Variants in C4orf50 observed in about 807,000 individuals in gnomAD.
C4orf50 encodes the protein uncharacterized protein C4orf50.
C4orf50 carries 80 observed loss-of-function variants against 77.2 expected under a neutral mutation model. The observed-to-expected ratio is 1.04, with a 90% CI of 0.87 to 1.25. The LOEUF is 1.25. Among genes scored for constraint, C4orf50 ranks in the 50% most tolerant of loss-of-function variants. C4orf50 has a pLI of 0.00. For missense variants in C4orf50, 1,257 were observed against 1,152.9 expected (o/e 1.09, Z -1.31); for synonymous variants, 532 against 465.3 (o/e 1.14, Z -1.84).
At chr4:5,940,555 C>G (rs1043500407) in intron 7 of C4orf50, among the ~76,000 whole-genome samples, 2 of 152,182 alleles carry the variant, frequency 1.3e-5, no homozygotes, top group Non-Finnish European at 2.9e-5. Flanking sequence ...GGTAAGTAAT[C>G]AGGGCCTCAA....
chr4:6,013,924 A>G (rs748700232), intron 23 of C4orf50, among the ~76,000 whole-genome samples: 13 of 152,108 alleles, frequency 8.5e-5, no homozygotes, highest in Non-Finnish European at 1.9e-4. Flanking sequence ...CGAATATGAC[A>G]TAGACAGTGA....
exon 28 of C4orf50, chr4:5,989,618 C>T (rs1447112494): frequency 4.6e-6 from 7 of 1,536,036 alleles, no homozygotes; most frequent in East Asian, 4.9e-5. Context: ...CAAGCCTCCA[C>T]GTCCTGTGCA....
chr4:5,990,758 C>A lies in C4orf50; in HGVS notation c.1288G>T (p.Glu430Ter). Residue 430 changes from glutamate to a stop codon, truncating the protein, a stop_gained, in exon 28 of 34, where the codon GAG becomes TAG. Coordinates refer to ENST00000531445, the Ensembl canonical transcript of C4orf50. LOFTEE classifies it high-confidence loss of function. ...CGGAGGAGTGACTCGTCCAAGCACTCCTCTGGTGGGCAGCCACAGACCAGG... is the reference window on the plus strand; with the variant it reads ...CGGAGGAGTGACTCGTCCAAGCACTACTCTGGTGGGCAGCCACAGACCAGG... 4 of 399,154 alleles carry A rather than the reference C, an allele frequency of 1.0e-5. No homozygotes were observed. Among genetic ancestry groups the A allele is most frequent in the Non-Finnish European group, 8.8e-6 (2 of 226,146 alleles). 24.7% of individuals were successfully genotyped at this position (399,154 alleles called of 1,614,324 possible).
intron 25 of C4orf50, among the ~76,000 whole-genome samples, chr4:5,995,857 GA>G (rs1285688021): frequency 6.6e-6 from 1 of 152,166 alleles, no homozygotes; most frequent in Non-Finnish European, 1.5e-5. Flanking sequence ...TAGGCCAGGA[GA>G]AAACAGAAGT....
chr4:5,903,356 G>A (rs1303238542), intron 7 of C4orf50: 1 of 152,170 alleles, frequency 6.6e-6, no homozygotes, highest in Non-Finnish European at 1.5e-5. Flanking sequence ...TGTGTTCATA[G>A]GAGCAATACT....
chr4:5,914,671 G>A (rs1281966641), intron 7 of C4orf50, among the ~76,000 whole-genome samples: 1 of 152,158 alleles, frequency 6.6e-6, no homozygotes, highest in African/African-American at 2.4e-5. Context: ...AGAAATGTGT[G>A]CGATGGTGCT....
chr4:6,008,354 A>ACCTGCTCCCGCAGGACGCGCT lies in C4orf50; in HGVS notation c.584_604dup (p.Glu195_Gln201dup), dbSNP rs1317530648. On this transcript the variant is annotated inframe_insertion, in exon 25 of 34. Coordinates refer to ENST00000531445, the Ensembl canonical transcript of C4orf50. This position sits in a 1 kb window ranked among gnomAD's most constrained non-coding sequence, Gnocchi z 6.0. ...CCGCACGTTGCGCTCCAGCCGCTGC[A>ACCTGCTCCCGCAGGACGCGCT]CCTGCTCCCGCAGGACGCGCTCCTG... The ACCTGCTCCCGCAGGACGCGCT allele has an allele frequency of 2.6e-6, 1 of 391,160 alleles. No homozygotes were observed. The highest frequency in any genetic ancestry group is 2.1e-5 in the African/African-American group (1 of 48,276). 24.2% of individuals were successfully genotyped at this position (391,160 alleles called of 1,614,324 possible).
chr4:5,942,944 A>AT (rs1718325501), intron 7 of C4orf50, among the ~76,000 whole-genome samples: 1 of 152,142 alleles, frequency 6.6e-6, no homozygotes, highest in African/African-American at 2.4e-5. Flanking sequence ...TTGTCACTTT[A>AT]TTTTTTTAAT....
At chr4:5,907,932 A>G (rs555787858) in intron 7 of C4orf50, among the ~76,000 whole-genome samples, 2 of 152,342 alleles carry the variant, frequency 1.3e-5, no homozygotes, top group African/African-American at 4.8e-5. Context: ...AGTACTCTGC[A>G]TGGAGTCAAT....
At chr4:6,002,852 T>C (rs953029775) in intron 25 of C4orf50, among the ~76,000 whole-genome samples, 1 of 152,234 alleles carries the variant, frequency 6.6e-6, no homozygotes, top group African/African-American at 2.4e-5. Flanking sequence ...CTTGGTTGTG[T>C]GACCCTGGAC....
At chr4:5,962,897 C>T (rs552193619) in intron 33 of C4orf50, among the ~76,000 whole-genome samples, 23 of 152,182 alleles carry the variant, frequency 1.5e-4, no homozygotes, top group Non-Finnish European at 3.2e-4. Flanking sequence ...TATGCTCCAG[C>T]GATGTTGCTT....
intron 7 of C4orf50, chr4:5,902,523 G>T (rs2152479841): frequency 6.6e-6 from 1 of 152,352 alleles, no homozygotes; most frequent in African/African-American, 2.4e-5. Context: ...GACCTTACTT[G>T]TTAAGAAGTA....
At chr4:6,014,534 T>A (rs892438669) in intron 23 of C4orf50, among the ~76,000 whole-genome samples, 29 of 152,236 alleles carry the variant, frequency 1.9e-4, no homozygotes, top group Non-Finnish European at 3.5e-4. Context: ...CTTCAACTCT[T>A]TAATTAATGT....
At position 6,004,300 on chromosome 4, in the gene C4orf50, GATGGTGGTGATGATGTGATCGTA is replaced by G. The variant is rs1437945455; in HGVS notation, c.963+3673_963+3695del. Among the ~76,000 whole-genome samples, 296 of 78,002 alleles carry G rather than the reference GATGGTGGTGATGATGTGATCGTA, an allele frequency of 3.8e-3. 4 individuals are homozygous for G. Among genetic ancestry groups the G allele is most frequent in the East Asian group, 7.3e-3 (7 of 954 alleles). The allele number at this position is 78,002 out of a possible 152,430, so 51.2% of individuals were successfully genotyped here. A position where few individuals can be genotyped will look rare whatever the true frequency, so the allele number is the denominator to read the frequency against. On this transcript the variant is annotated intron_variant, in intron 25 of 33. Coordinates refer to ENST00000531445, the Ensembl canonical transcript of C4orf50. Reference sequence around the variant, plus strand: ...TGATGGTGATGTTGGTGATGATGGTGATGGTGGTGATGATGTGATCGTAATGGTGATGATGGTGATGGTGATGA... The same window carrying G: ...TGATGGTGATGTTGGTGATGATGGTGATGGTGATGATGGTGATGGTGATGA...
At chr4:6,002,195 GAC>G (rs1316036550) in intron 25 of C4orf50, among the ~76,000 whole-genome samples, 1 of 152,192 alleles carries the variant, frequency 6.6e-6, no homozygotes, top group Non-Finnish European at 1.5e-5. Context: ...CACAGAAACA[GAC>G]ACACAGAGGA....
chr4:6,008,499 A>T lies in C4orf50; in HGVS notation c.460T>A (p.Trp154Arg). Residue 154 changes from tryptophan to arginine, a missense_variant, in exon 25 of 34, where the codon TGG becomes AGG. Physicochemically the swap from Trp to Arg is moderately radical, Grantham distance 101. Coordinates refer to ENST00000531445, the Ensembl canonical transcript of C4orf50. This position sits in a 1 kb window ranked among gnomAD's most constrained non-coding sequence, Gnocchi z 6.0. Reference sequence around the variant, plus strand: ...CGCTCCTGCAACCGCCGCAGCCGCCACTGCTGCCGCCTGGCCACGCTCTCC... The same window carrying T: ...CGCTCCTGCAACCGCCGCAGCCGCCTCTGCTGCCGCCTGGCCACGCTCTCC... 1 of 397,960 alleles carries T rather than the reference A, an allele frequency of 2.5e-6. No homozygotes were observed. Among genetic ancestry groups the T allele is most frequent in the Non-Finnish European group, 4.4e-6 (1 of 225,666 alleles). 24.7% of individuals were successfully genotyped at this position (397,960 alleles called of 1,614,324 possible).
intron 7 of C4orf50, among the ~76,000 whole-genome samples, chr4:5,906,093 CA>C (rs1346029267): frequency 2.6e-5 from 4 of 152,006 alleles, no homozygotes; most frequent in Non-Finnish European, 5.9e-5. Flanking sequence ...AGCCTTCAGC[CA>C]GTGCAAAAGC....
At position 6,011,435 on chromosome 4, in the gene C4orf50, C is replaced by A. The variant is rs1297457537; in HGVS notation, c.426+395G>T. ...TAGCTCTCCTCAACTCCCCTAGCCCCCTGAACACACGCCATGGGGGATCGC... is the reference window on the plus strand; with the variant it reads ...TAGCTCTCCTCAACTCCCCTAGCCCACTGAACACACGCCATGGGGGATCGC... On this transcript the variant is annotated intron_variant, in intron 24 of 33. Transcript: ENST00000531445. This position sits in a 1 kb window ranked among gnomAD's most constrained non-coding sequence, Gnocchi z 4.2. Among the ~76,000 whole-genome samples the A allele has an allele frequency of 6.6e-6, 1 of 152,106 alleles. No homozygotes were observed. The highest frequency in any genetic ancestry group is 1.9e-4 in the East Asian group (1 of 5,174).
chr4:5,935,502 C>T (rs2108747553), intron 7 of C4orf50, among the ~76,000 whole-genome samples: 1 of 152,204 alleles, frequency 6.6e-6, no homozygotes, highest in East Asian at 1.9e-4. Context: ...AGATAAATCC[C>T]CAGGGCTGGG....
Sources: gnomAD v4.1 joint callset for allele counts (sites outside exome capture counted in the v4.1 genomes callset) on GRCh38, gnomAD v4.1.1 for gene constraint, Gnocchi (gnomAD v3.1) non-coding constraint, MANE v1.5 for transcripts, NCBI Gene and HGNC (gene_info 2026-07-23, HGNC 2026-07-21) for gene names.